The following CAMK1D variants were observed in gnomAD, a reference collection of about 807,000 sequenced individuals.
The protein encoded by CAMK1D is calcium/calmodulin dependent protein kinase ID.
A neutral mutation model predicts 47.7 loss-of-function variants in CAMK1D; 9 were observed. The ratio of observed to expected loss-of-function variants is 0.19; its 90% CI spans 0.11 to 0.33. CAMK1D has a LOEUF of 0.33. Ranked by LOEUF, CAMK1D falls within the 10% of genes least tolerant of loss-of-function variation. The pLI is 1.00. For synonymous variants in CAMK1D, 184 were observed against 184.9 expected (o/e 0.99, Z 0.04); for missense variants, 291 against 488.7 (o/e 0.60, Z 3.81).
At chr10:12,534,999 A>G (rs538279141) in intron 1 of CAMK1D, among the ~76,000 whole-genome samples, 251 of 152,338 alleles carry the variant, frequency 1.6e-3, no homozygotes, top group Non-Finnish European at 3.0e-3. Flanking sequence ...GTGCCTGGGA[A>G]GAGAAGGAAA....
chr10:12,751,048 C>T (rs1264598513), intron 3 of CAMK1D, among the ~76,000 whole-genome samples: 1 of 134,844 alleles, frequency 7.4e-6, no homozygotes, highest in Non-Finnish European at 1.6e-5. Flanking sequence ...GCCCGTCTCC[C>T]CCAATAAGAT....
At chr10:12,656,158 A>G (rs1840109801) in intron 2 of CAMK1D, among the ~76,000 whole-genome samples, 1 of 152,186 alleles carries the variant, frequency 6.6e-6, no homozygotes, top group African/African-American at 2.4e-5. Context: ...CAGCTCGTTG[A>G]TGCCCCTCCT....
intron 1 of CAMK1D, among the ~76,000 whole-genome samples, chr10:12,428,426 G>A (rs1035926945): frequency 7.9e-5 from 12 of 152,084 alleles, no homozygotes; most frequent in East Asian, 1.9e-4. Flanking sequence ...CTTTCTCCAC[G>A]TTCGACATTC....
intron 3 of CAMK1D, among the ~76,000 whole-genome samples, chr10:12,755,337 G>T (rs1268171559): frequency 1.3e-5 from 2 of 152,142 alleles, no homozygotes; most frequent in Non-Finnish European, 2.9e-5. Flanking sequence ...TGTGGGAAGA[G>T]GGGAATCTCA....
intron 2 of CAMK1D, among the ~76,000 whole-genome samples, chr10:12,563,406 A>G (rs780575813): frequency 1.3e-5 from 2 of 152,168 alleles, no homozygotes; most frequent in Non-Finnish European, 2.9e-5. Flanking sequence ...TTTTTCTTCT[A>G]TTCTGGCTCT....
Position 12,816,344 on chromosome 10 carries a change from C to T in CAMK1D, c.833+16C>T, listed in dbSNP as rs199637965. ...GGCACCCATGGTAAGGAAATGCACC[C>T]GCTCAGCAGACCGTGCCATTTAATG... is the stretch of plus-strand genomic sequence containing the variant. On this transcript the variant is annotated intron_variant, in intron 8 of 10. Transcript: ENST00000619168. The T allele has an allele frequency of 6.8e-4, 1,090 of 1,608,916 alleles. 2 individuals carry two copies. Among genetic ancestry groups the T allele is most frequent in the Middle Eastern group, 2.9e-3 (17 of 5,934 alleles).
At chr10:12,739,823 A>G (rs1317505197) in intron 3 of CAMK1D, among the ~76,000 whole-genome samples, 1 of 152,160 alleles carries the variant, frequency 6.6e-6, no homozygotes, top group East Asian at 1.9e-4. Flanking sequence ...CAGCTCAGCT[A>G]CCGACCCATC....
chr10:12,415,234 G>A (rs1839801907), intron 1 of CAMK1D, among the ~76,000 whole-genome samples: 3 of 151,524 alleles, frequency 2.0e-5, no homozygotes, highest in African/African-American at 7.3e-5. Flanking sequence ...TAGGACATCT[G>A]CTAGCCATTT....
chr10:12,673,928 A>G (rs1840710291), intron 3 of CAMK1D, among the ~76,000 whole-genome samples: 1 of 152,014 alleles, frequency 6.6e-6, no homozygotes, highest in African/African-American at 2.4e-5. Context: ...CTGAGAATCC[A>G]TCTGTTTTTC....
intron 3 of CAMK1D, among the ~76,000 whole-genome samples, chr10:12,757,955 A>G (rs1205170401): frequency 2.0e-5 from 3 of 147,728 alleles, no homozygotes; most frequent in African/African-American, 5.0e-5. Flanking sequence ...CAGTTCAAGC[A>G]GTTCTCCTGC....
intron 2 of CAMK1D, among the ~76,000 whole-genome samples, chr10:12,607,784 A>G (rs1043235939): frequency 1.3e-5 from 2 of 152,006 alleles, no homozygotes; most frequent in African/African-American, 4.8e-5. Flanking sequence ...AACATGGTAA[A>G]ACCTTATCTC....
At chr10:12,807,098 C>G (rs1838765721) in intron 6 of CAMK1D, among the ~76,000 whole-genome samples, 1 of 152,146 alleles carries the variant, frequency 6.6e-6, no homozygotes, top group South Asian at 2.1e-4. Context: ...TCCAGCACCC[C>G]CATGATACAC....
chr10:12,498,706 G>T (rs1834613667), intron 1 of CAMK1D, among the ~76,000 whole-genome samples: 2 of 152,112 alleles, frequency 1.3e-5, no homozygotes, highest in Non-Finnish European at 2.9e-5. Flanking sequence ...GGGAGTGACG[G>T]GGAAGCAGAC....
intron 1 of CAMK1D, among the ~76,000 whole-genome samples, chr10:12,515,208 A>C (rs1263546142): frequency 6.6e-6 from 1 of 151,878 alleles, no homozygotes; most frequent in African/African-American, 2.4e-5. Context: ...TGCAGTAAAA[A>C]TGACTCTTAC....
intron 3 of CAMK1D, among the ~76,000 whole-genome samples, chr10:12,700,109 A>G (rs1395756082): frequency 6.6e-6 from 1 of 152,216 alleles, no homozygotes; most frequent in Non-Finnish European, 1.5e-5. Context: ...TTCACAGCCA[A>G]CAGCACAATA....
chr10:12,507,750 A>C (rs536359163), intron 1 of CAMK1D, among the ~76,000 whole-genome samples: 1 of 152,050 alleles, frequency 6.6e-6, no homozygotes, highest in African/African-American at 2.4e-5. Context: ...GTGGTTCCCA[A>C]TTCTTTTATT....
chr10:12,648,391 C>A (rs369167322), intron 2 of CAMK1D, among the ~76,000 whole-genome samples: 34 of 152,302 alleles, frequency 2.2e-4, no homozygotes, highest in African/African-American at 7.5e-4. Flanking sequence ...TTTCAGTGCT[C>A]CGCAGGGATA....
chr10:12,651,072 A>G (rs1458849510), intron 2 of CAMK1D, among the ~76,000 whole-genome samples: 1 of 152,106 alleles, frequency 6.6e-6, no homozygotes, highest in Non-Finnish European at 1.5e-5. Context: ...GATTTACGGC[A>G]CTTTGCTCCC....
intron 5 of CAMK1D, among the ~76,000 whole-genome samples, chr10:12,786,399 A>G (rs1034910549): frequency 1.3e-5 from 2 of 152,242 alleles, no homozygotes; most frequent in Non-Finnish European, 2.9e-5. Context: ...AGTGCAAGAA[A>G]TGTACATTCT....
Sources: allele counts gnomAD v4.1 joint callset (sites outside exome capture counted in the v4.1 genomes callset), GRCh38; gene constraint gnomAD v4.1.1; transcripts MANE v1.5; gene names NCBI Gene and HGNC (gene_info 2026-07-23, HGNC 2026-07-21).